The following CFAP20DC variants were observed in gnomAD, a reference collection of about 807,000 sequenced individuals.
CFAP20DC encodes CFAP20 domain containing.
A neutral mutation model predicts 101.7 loss-of-function variants in CFAP20DC; 84 were observed. The observed-to-expected ratio is 0.83, with a 90% CI of 0.69 to 0.99. The LOEUF is 0.99. CFAP20DC is among the 50% of genes least tolerant of loss of function. CFAP20DC has a pLI of 0.00. For synonymous variants in CFAP20DC, 359 were observed against 351.2 expected (o/e 1.02, Z -0.25); for missense variants, 1,007 against 970.3 (o/e 1.04, Z -0.50).
rs145129294 is a variant in CFAP20DC at position 58,826,928 on chromosome 3, C to T, written c.2175+4758G>A. On this transcript the variant is annotated intron_variant, in intron 14 of 16. Transcript: ENST00000482387. ...GAGGGTTGGGGAGAGTTTCATGAAG[C>T]AGTGACAAGTGAGTTGGGGCCTTCA... is the stretch of plus-strand genomic sequence containing the variant. Among the ~76,000 whole-genome samples the T allele has an allele frequency of 1.7e-3, 258 of 152,234 alleles. 1 individual carries two copies. The highest frequency in any genetic ancestry group is 5.8e-3 in the African/African-American group (240 of 41,542).
rs1013190533 is a variant in CFAP20DC at position 58,966,497 on chromosome 3, T to A, written c.279-28735A>T. On this transcript the variant is annotated intron_variant, in intron 4 of 16. Coordinates refer to ENST00000482387, the MANE Select transcript of CFAP20DC (RefSeq NM_001394063.1). ...GTGTATATATATATATATACACATA[T>A]GTGTGTGTGTGTGTATATATATAAA... Among the ~76,000 whole-genome samples, 3 of 113,310 alleles carry A rather than the reference T, an allele frequency of 2.6e-5. No individual in the cohort carries two copies. The East Asian group carries it at 5.9e-4, about 22-fold the overall frequency. The allele number at this position is 113,310 out of a possible 152,430, so 74.3% of individuals were successfully genotyped here.
At chr3:58,840,446 G>C (rs1157993503) in intron 13 of CFAP20DC, among the ~76,000 whole-genome samples, 1 of 152,192 alleles carries the variant, frequency 6.6e-6, no homozygotes, top group East Asian at 1.9e-4. Context: ...GGTGGTCTCC[G>C]GGAAATTATC....
At chr3:59,030,580 G>A (rs2093971941) in intron 4 of CFAP20DC, among the ~76,000 whole-genome samples, 1 of 152,166 alleles carries the variant, frequency 6.6e-6, no homozygotes, top group Non-Finnish European at 1.5e-5. Context: ...GTTTGTCCAT[G>A]TAGATAAGAG....
At chr3:59,034,628 G>A (rs766432217) in intron 4 of CFAP20DC, among the ~76,000 whole-genome samples, 2 of 152,114 alleles carry the variant, frequency 1.3e-5, no homozygotes, top group East Asian at 1.9e-4. Context: ...AGGGATAAAC[G>A]CAACAAGAAG....
At chr3:58,775,195 C>T (rs149271015) in intron 15 of CFAP20DC, among the ~76,000 whole-genome samples, 4 of 152,156 alleles carry the variant, frequency 2.6e-5, no homozygotes, top group Non-Finnish European at 5.9e-5. Context: ...TCCAGAAAGG[C>T]GAGGACAACT....
chr3:58,876,397 A>G (rs2108583039), intron 7 of CFAP20DC, among the ~76,000 whole-genome samples: 1 of 152,244 alleles, frequency 6.6e-6, no homozygotes. Context: ...AATCTTAATA[A>G]AAGAAAACTA....
intron 14 of CFAP20DC, among the ~76,000 whole-genome samples, chr3:58,826,118 T>A (rs933362590): frequency 4.6e-5 from 7 of 152,162 alleles, no homozygotes; most frequent in Non-Finnish European, 8.8e-5. Flanking sequence ...CCGGACTACA[T>A]CTTTTTCTTC....
intron 3 of CFAP20DC, among the ~76,000 whole-genome samples, chr3:59,042,939 T>C (rs1461335259): frequency 6.6e-6 from 1 of 152,154 alleles, no homozygotes; most frequent in African/African-American, 2.4e-5. Context: ...AAGCTTTTTT[T>C]CTAAGCAACT....
chr3:58,799,042 C>A lies in CFAP20DC; in HGVS notation c.2237+7353G>T, dbSNP rs1290308470. Among the ~76,000 whole-genome samples, 2 of 152,052 alleles carry A rather than the reference C, an allele frequency of 1.3e-5. No individual in the cohort carries two copies. The highest frequency in any genetic ancestry group is 2.9e-5 in the Non-Finnish European group (2 of 68,016). ...TGGTCTGAAACTCAACCTACAATAT[C>A]TCTGAGGTACGCTTGTATGTATATA... On this transcript the variant is annotated intron_variant, in intron 15 of 16. Coordinates refer to ENST00000482387, the MANE Select transcript of CFAP20DC (RefSeq NM_001394063.1). This position sits in a 1 kb window ranked among gnomAD's most constrained non-coding sequence, Gnocchi z 4.9.
chr3:58,786,585 G>A (rs2072359167), intron 15 of CFAP20DC, among the ~76,000 whole-genome samples: 1 of 151,952 alleles, frequency 6.6e-6, no homozygotes, highest in Admixed American at 6.6e-5. Flanking sequence ...ACACCCATTA[G>A]TTTCTTAGTA....
chr3:58,818,140 G>C (rs1422477393), intron 14 of CFAP20DC, among the ~76,000 whole-genome samples: 7 of 150,752 alleles, frequency 4.6e-5, no homozygotes, highest in African/African-American at 9.8e-5. Context: ...CCTGAAGGAA[G>C]CGCTAAACAT....
At chr3:58,910,995 G>C (rs1220755280) in intron 6 of CFAP20DC, among the ~76,000 whole-genome samples, 1 of 152,036 alleles carries the variant, frequency 6.6e-6, no homozygotes, top group Non-Finnish European at 1.5e-5. Flanking sequence ...TTTAAAATAA[G>C]TTTGATTAAC....
chr3:58,932,092 G>A (rs938626521), intron 5 of CFAP20DC, among the ~76,000 whole-genome samples: 1 of 152,216 alleles, frequency 6.6e-6, no homozygotes, highest in African/African-American at 2.4e-5. Flanking sequence ...GCTGATGGAG[G>A]TGAAAGCCAA....
At chr3:58,854,033 G>A (rs2078517582) in intron 12 of CFAP20DC, among the ~76,000 whole-genome samples, 1 of 152,074 alleles carries the variant, frequency 6.6e-6, no homozygotes, top group East Asian at 1.9e-4. Flanking sequence ...CAGGAAAAGA[G>A]GAAGTCAAAT....
intron 6 of CFAP20DC, among the ~76,000 whole-genome samples, chr3:58,911,477 G>A (rs982938977): frequency 6.6e-6 from 1 of 152,100 alleles, no homozygotes; most frequent in African/African-American, 2.4e-5. Context: ...GGAGACATAA[G>A]CAGGCTTGTA....
At chr3:58,854,472 T>C (rs2078568478) in intron 12 of CFAP20DC, among the ~76,000 whole-genome samples, 1 of 151,806 alleles carries the variant, frequency 6.6e-6, no homozygotes, top group Non-Finnish European at 1.5e-5. Flanking sequence ...CTTCACAGAA[T>C]TGGAAAAAAC....
chr3:58,881,966 C>A lies in CFAP20DC; in HGVS notation c.715+2579G>T, dbSNP rs143841414. ...AGTAAGCTTCAAAGCTCACAAATGTCAAAATCAGCAATTGAAAAGTATTTA... is the reference window on the plus strand; with the variant it reads ...AGTAAGCTTCAAAGCTCACAAATGTAAAAATCAGCAATTGAAAAGTATTTA... On this transcript the variant is annotated intron_variant, in intron 7 of 16. Transcript: ENST00000482387. Among the ~76,000 whole-genome samples, 484 of 152,190 alleles carry A rather than the reference C, an allele frequency of 3.2e-3. 1 individual carries two copies. Among genetic ancestry groups the A allele is most frequent in the Middle Eastern group, 0.01 (3 of 294 alleles).
chr3:58,786,014 A>G (rs766226881), intron 15 of CFAP20DC, among the ~76,000 whole-genome samples: 5 of 152,128 alleles, frequency 3.3e-5, no homozygotes, highest in African/African-American at 4.8e-5. Context: ...TTGTTTCTCC[A>G]CAAATGTACT....
intron 1 of CFAP20DC, 86 bp downstream of exon 1, chr3:59,049,525 G>A: frequency 1.7e-6 from 2 of 1,197,338 alleles, no homozygotes; most frequent in East Asian, 2.5e-5. Flanking sequence ...GGGGATAGAG[G>A]GTGCACTTTA....
Sources: allele counts gnomAD v4.1 joint callset (sites outside exome capture counted in the v4.1 genomes callset), GRCh38; gene constraint gnomAD v4.1.1; non-coding constraint Gnocchi (gnomAD v3.1); transcripts MANE v1.5; gene names NCBI Gene and HGNC (gene_info 2026-07-23, HGNC 2026-07-21).